The following USH2A variants were observed in gnomAD, a reference collection of about 807,000 sequenced individuals.
USH2A encodes the protein usherin.
USH2A carries 443 observed loss-of-function variants against 538.9 expected under a neutral mutation model. The ratio of observed to expected loss-of-function variants is 0.82; its 90% CI spans 0.76 to 0.89. USH2A has a LOEUF of 0.89. Among genes scored for constraint, USH2A ranks in the 40% least tolerant of loss-of-function variants. USH2A has a pLI of 0.00. For synonymous variants in USH2A, 2,413 were observed against 2,273.5 expected (o/e 1.06, Z -1.75); for missense variants, 6,633 against 6,324.8 (o/e 1.05, Z -1.65).
intron 30 of USH2A, among the ~76,000 whole-genome samples, chr1:216,052,383 G>C: frequency 6.7e-6 from 1 of 148,622 alleles, no homozygotes; most frequent in South Asian, 2.2e-4. Context: ...AAAAAAGAAA[G>C]AAAAAGAAGA....
intron 61 of USH2A, among the ~76,000 whole-genome samples, chr1:215,693,301 A>G (rs191192677): frequency 6.6e-6 from 1 of 151,888 alleles, no homozygotes; most frequent in Admixed American, 6.6e-5. Flanking sequence ...TTTCTTGTCT[A>G]TCCTTCCTAA....
intron 47 of USH2A, among the ~76,000 whole-genome samples, chr1:215,817,921 T>G (rs1662904497): frequency 6.6e-6 from 1 of 151,922 alleles, no homozygotes; most frequent in African/African-American, 2.4e-5. Context: ...AGGCCAACCT[T>G]TCCTCTTTCT....
intron 36 of USH2A, among the ~76,000 whole-genome samples, chr1:215,968,654 T>A (rs188070590): frequency 6.6e-6 from 1 of 152,214 alleles, no homozygotes; most frequent in Admixed American, 6.5e-5. Flanking sequence ...GTGTGGATAA[T>A]CTAAAGAACA....
At chr1:215,739,810 T>C (rs964644116) in intron 60 of USH2A, among the ~76,000 whole-genome samples, 1 of 152,170 alleles carries the variant, frequency 6.6e-6, no homozygotes, top group Non-Finnish European at 1.5e-5. Context: ...TGAAGACTGA[T>C]GTGAATCAAA....
intron 38 of USH2A, among the ~76,000 whole-genome samples, chr1:215,919,095 A>C (rs564986331): frequency 6.6e-6 from 1 of 152,212 alleles, no homozygotes; most frequent in African/African-American, 2.4e-5. Context: ...GAAAGCATGA[A>C]TCACCCCCAA....
At chr1:216,096,677 A>T (rs531658384) in intron 22 of USH2A, among the ~76,000 whole-genome samples, 1 of 152,236 alleles carries the variant, frequency 6.6e-6, no homozygotes, top group Non-Finnish European at 1.5e-5. Context: ...CCAGTACCAT[A>T]GTACCCGATA....
intron 11 of USH2A, among the ~76,000 whole-genome samples, chr1:216,261,626 T>C (rs2036373952): frequency 6.6e-6 from 1 of 152,092 alleles, no homozygotes; most frequent in Non-Finnish European, 1.5e-5. Flanking sequence ...AAAATACACA[T>C]TTTCCAGACA....
At chr1:216,104,289 TC>T (rs1344173824) in intron 21 of USH2A, among the ~76,000 whole-genome samples, 3 of 151,902 alleles carry the variant, frequency 2.0e-5, no homozygotes, top group Admixed American at 2.0e-4. Flanking sequence ...ATTGTTCAAT[TC>T]CCACCTATGA....
intron 21 of USH2A, among the ~76,000 whole-genome samples, chr1:216,132,304 G>T (rs1462845679): frequency 2.0e-5 from 3 of 151,854 alleles, no homozygotes; most frequent in Non-Finnish European, 2.9e-5. Context: ...CATCTAGTTG[G>T]TATTTTTTCA....
In USH2A at chr1:215,817,134, G is replaced by A. The variant is rs267598373; in HGVS notation, c.9433C>T (p.Leu3145Phe). The change falls in exon 48 of 72, where the codon CTC (leucine) becomes TTC (phenylalanine). Residue 3145 changes from leucine (L) to phenylalanine (F), a missense_variant. By Grantham distance (22) the Leu-to-Phe change is conservative. Transcript: ENST00000307340. ...CATGGATACCATGTTTTCCATAGGA[G>A]ATCATATCCAAGAATGATGCCATTT... is the stretch of plus-strand genomic sequence containing the variant. ...KPNGIILGYD[L>F]LWKTWYPCAK... 23 of 1,612,648 alleles carry A rather than the reference G, an allele frequency of 1.4e-5. No individual in the cohort carries two copies. Among genetic ancestry groups the A allele is most frequent in the Admixed American group, 3.3e-5 (2 of 59,880 alleles).
chr1:216,325,705 T>A (rs1206900727), intron 5 of USH2A, 106 bp from the exon 6 acceptor site: 11 of 1,108,822 alleles, frequency 9.9e-6, no homozygotes, highest in Non-Finnish European at 1.4e-5. Context: ...TTCATGAGTA[T>A]CCATTTAGTT....
chr1:216,073,048 G>T (rs1331360838), intron 28 of USH2A, 49 bp downstream of exon 28: 1 of 1,612,774 alleles, frequency 6.2e-7, no homozygotes, highest in African/African-American at 1.3e-5. Flanking sequence ...AGGGAAAGGG[G>T]GATGAATAAG....
rs543136794 is a variant in USH2A, at chr1:216,281,984, T to C, written c.1971+7296A>G. ...AATGTCAAAAATCTTTTTATGTGCT[T>C]GCTGGTAATTTTATATCTTCCTTAG... is the stretch of plus-strand genomic sequence containing the variant. On this transcript the variant is annotated intron_variant, in intron 11 of 71. Transcript: ENST00000307340. Among the ~76,000 whole-genome samples, 287 of 151,980 alleles carry C rather than the reference T, an allele frequency of 1.9e-3. 2 individuals carry two copies. The highest frequency in any genetic ancestry group is 6.6e-3 in the African/African-American group (275 of 41,484).
intron 11 of USH2A, among the ~76,000 whole-genome samples, chr1:216,261,771 C>T (rs551452644): frequency 6.5e-4 from 99 of 152,146 alleles, no homozygotes; most frequent in African/African-American, 2.3e-3. Flanking sequence ...ACACTCATGC[C>T]CCCGGCCTGA....
intron 32 of USH2A, among the ~76,000 whole-genome samples, chr1:216,008,286 T>C (rs1461053257): frequency 6.6e-6 from 1 of 151,970 alleles, no homozygotes; most frequent in Non-Finnish European, 1.5e-5. Context: ...ACTGATGACA[T>C]TGTCTTGTGA....
chr1:215,957,881 C>T (rs947902672), intron 37 of USH2A, among the ~76,000 whole-genome samples: 2 of 152,146 alleles, frequency 1.3e-5, no homozygotes, highest in African/African-American at 4.8e-5. Flanking sequence ...ACAAGCTGTA[C>T]TGCATCACTG....
chr1:216,092,970 A>ATT (rs200547548), intron 22 of USH2A, among the ~76,000 whole-genome samples: 6 of 146,292 alleles, frequency 4.1e-5, no homozygotes, highest in African/African-American at 1.2e-4. Context: ...GGCTTTAACA[A>ATT]TTTTTTTTTT....
chr1:215,743,345 G>A lies in USH2A; in HGVS notation c.11390-10C>T, dbSNP rs750110818. 2.1e-4 allele frequency: 316 copies of A among 1,496,634 alleles called. 1 individual carries two copies. The highest frequency in any genetic ancestry group is 2.8e-4 in the Non-Finnish European group (311 of 1,098,308). The allele number at this position is 1,496,634 out of a possible 1,614,324, so 92.7% of individuals were successfully genotyped here. ...TCGGGGATGAGGATCCCTTTAAAGA[G>A]AGAGAGAGAGAGAGAACATTAAAAA... On this transcript the variant is annotated splice_polypyrimidine_tract_variant and intron_variant, in intron 58 of 71. Coordinates refer to ENST00000307340, the MANE Select transcript of USH2A (RefSeq NM_206933.4).
chr1:215,996,035 C>G (rs987660983), intron 34 of USH2A, among the ~76,000 whole-genome samples: 15 of 152,050 alleles, frequency 9.9e-5, no homozygotes, highest in Admixed American at 9.8e-4. Flanking sequence ...CTCAGCCTCC[C>G]GAGTAGCTGG....
Sources: allele counts gnomAD v4.1 joint callset (sites outside exome capture counted in the v4.1 genomes callset), GRCh38; gene constraint gnomAD v4.1.1; transcripts MANE v1.5; gene names NCBI Gene and HGNC (gene_info 2026-07-23, HGNC 2026-07-21).